RADIL: variants seen among roughly 807,000 people sequenced by gnomAD.
RADIL encodes Rap associating with DIL domain.
In RADIL, 99 loss-of-function variants were observed where a neutral mutation model predicts 97.6. That is an observed-to-expected ratio of 1.01 (90% CI 0.86 to 1.20). The LOEUF (loss-of-function observed/expected upper bound fraction) is 1.20. Ranked by LOEUF, RADIL falls within the 50% of genes most tolerant of loss-of-function variation. The pLI, the probability that RADIL is intolerant of heterozygous loss-of-function variation, is 0.00. For missense variants in RADIL, 1,765 were observed against 1,498.9 expected, an observed-to-expected ratio of 1.18 and a Z score of -2.93; for synonymous variants, 803 against 691.8, an observed-to-expected ratio of 1.16 and a Z score of -2.52.
intron 1 of RADIL, among the ~76,000 whole-genome samples, chr7:4,881,454 T>C (rs1382229837): frequency 7.8e-6 from 1 of 128,586 alleles, no homozygotes; most frequent in Admixed American, 8.3e-5. Context: ...TGGCTGGGCA[T>C]GGTGGTTCAT....
At chr7:4,832,834 C>A (rs1405227913) in intron 4 of RADIL, among the ~76,000 whole-genome samples, 1 of 151,374 alleles carries the variant, frequency 6.6e-6, no homozygotes, top group Admixed American at 6.6e-5. Flanking sequence ...TGCGCGTAGA[C>A]TAAGCGTGTA....
intron 2 of RADIL, chr7:4,859,840 T>G: frequency 9.0e-7 from 1 of 1,107,428 alleles, no homozygotes; most frequent in Non-Finnish European, 1.3e-6. Flanking sequence ...TCCTCTTCCG[T>G]TTTGGTTTTC....
At chr7:4,859,987 C>T (rs1783936950) in intron 2 of RADIL, 1 of 1,613,880 alleles carries the variant, frequency 6.2e-7, no homozygotes, top group African/African-American at 1.3e-5. Context: ...CGACCATGGC[C>T]TTTGGTGATG....
Position 4,842,244 on chromosome 7 carries a change from C to G in RADIL, c.536-5639G>C, listed in dbSNP as rs547241959. Among the ~76,000 whole-genome samples, 5 of 152,182 alleles carry G rather than the reference C, an allele frequency of 3.3e-5. No homozygotes were observed. The highest frequency in any genetic ancestry group is 1.2e-4 in the African/African-American group (5 of 41,554). On this transcript the variant is annotated intron_variant, in intron 2 of 14. Coordinates refer to ENST00000399583, the MANE Select transcript of RADIL (RefSeq NM_018059.5). This position sits in a 1 kb window ranked among gnomAD's most constrained non-coding sequence, Gnocchi z 4.5. ...GGGATGGGACGGTCGTTGTTGACAT[C>G]TTCTTCTACTCTCACAGCAGAGGCC...
rs2115000792 is a variant in RADIL at position 4,834,089 on chromosome 7, A to G, written c.1416+518T>C. ...GGCTGGCCTGGAGGAAAGTTCGTCA[A>G]CGCACAAAAGGTGACGGGCCCTGCA... is the stretch of plus-strand genomic sequence containing the variant. On this transcript the variant is annotated intron_variant, in intron 4 of 14. Coordinates refer to ENST00000399583, the MANE Select transcript of RADIL (RefSeq NM_018059.5). This position sits in a 1 kb window ranked among gnomAD's most constrained non-coding sequence, Gnocchi z 6.0. Among the ~76,000 whole-genome samples the G allele has an allele frequency of 6.6e-6, 1 of 152,278 alleles. No homozygotes were observed. Among genetic ancestry groups the G allele is most frequent in the Admixed American group, 6.5e-5 (1 of 15,300 alleles).
At chr7:4,862,164 G>A (rs541138205) in intron 2 of RADIL, among the ~76,000 whole-genome samples, 11 of 152,250 alleles carry the variant, frequency 7.2e-5, no homozygotes, top group Non-Finnish European at 1.5e-4. Flanking sequence ...CGTTGTTGAT[G>A]ACCGGCCAAA....
At chr7:4,876,196 C>T (rs1484410679) in intron 2 of RADIL, among the ~76,000 whole-genome samples, 1 of 151,968 alleles carries the variant, frequency 6.6e-6, no homozygotes, top group African/African-American at 2.4e-5. Flanking sequence ...ACTATGTTAC[C>T]CAGGCTGCTC....
chr7:4,805,894 T>C (rs1782290099), intron 9 of RADIL, 178 bp from the exon 10 acceptor site: 1 of 985,308 alleles, frequency 1.0e-6, no homozygotes, highest in African/African-American at 1.7e-5. Flanking sequence ...CCCCTGGCAC[T>C]TCCAAGGGCA....
At chr7:4,839,785 G>A (rs748245123) in intron 2 of RADIL, among the ~76,000 whole-genome samples, 2 of 152,028 alleles carry the variant, frequency 1.3e-5, no homozygotes, top group South Asian at 2.1e-4. Context: ...TCACTCTGTC[G>A]CCCAGGCTAG....
At position 4,879,146 on chromosome 7, in the gene RADIL, G is replaced by T. The variant is rs4724135; in HGVS notation, c.-64-943C>A. Reference sequence around the variant, plus strand: ...CCGGTGCAGGCATGGCCGGAATGCAGGCGTCCCGCCCACCACAGGCCGCGG... The same window carrying T: ...CCGGTGCAGGCATGGCCGGAATGCATGCGTCCCGCCCACCACAGGCCGCGG... On this transcript the variant is annotated intron_variant, in intron 1 of 14. Coordinates refer to ENST00000399583, the MANE Select transcript of RADIL (RefSeq NM_018059.5). The surrounding 1 kb of genome is among the most constrained non-coding windows in gnomAD (Gnocchi z 4.1). 0.48 allele frequency among the ~76,000 whole-genome samples: 72,288 copies of T among 152,174 alleles called. 20,071 individuals carry two copies. The highest frequency in any genetic ancestry group is 0.77 in the African/African-American group (32,070 of 41,534).
rs1042379338 is a variant in RADIL at position 4,821,119 on chromosome 7, C to T, written c.1615+1275G>A. Among the ~76,000 whole-genome samples the T allele has an allele frequency of 1.1e-4, 16 of 152,188 alleles. No homozygotes were observed. The highest frequency in any genetic ancestry group is 3.1e-4 in the African/African-American group (13 of 41,456). ...TGTGGGAGCTCCTGTCCCTGCACACCGGGCCTGCGCCTCCCTCGAAGCTCA... is the reference window on the plus strand; with the variant it reads ...TGTGGGAGCTCCTGTCCCTGCACACTGGGCCTGCGCCTCCCTCGAAGCTCA... On this transcript the variant is annotated intron_variant, in intron 6 of 14. Coordinates refer to ENST00000399583, the MANE Select transcript of RADIL (RefSeq NM_018059.5). This position sits in a 1 kb window ranked among gnomAD's most constrained non-coding sequence, Gnocchi z 5.2.
At chr7:4,871,965 G>A (rs140320679) in intron 2 of RADIL, among the ~76,000 whole-genome samples, 277 of 152,266 alleles carry the variant, frequency 1.8e-3, no homozygotes, top group Non-Finnish European at 3.2e-3. Flanking sequence ...CCAAAGCCAC[G>A]GTGATGTCCC....
intron 1 of RADIL, among the ~76,000 whole-genome samples, chr7:4,881,323 G>C (rs1339998732): frequency 6.6e-6 from 1 of 150,782 alleles, no homozygotes; most frequent in Admixed American, 6.6e-5. Context: ...GCTGAGGCAG[G>C]AGAATGGCGT....
Position 4,800,330 on chromosome 7 carries a change from G to C in RADIL, c.2843-20C>G. 1 of 1,430,408 alleles carries C rather than the reference G, an allele frequency of 7.0e-7. No homozygotes were observed. Among genetic ancestry groups the C allele is most frequent in the South Asian group, 1.5e-5 (1 of 66,434 alleles). 88.6% of individuals were successfully genotyped at this position (1,430,408 alleles called of 1,614,324 possible). A position where few individuals can be genotyped will look rare whatever the true frequency, so the allele number is the denominator to read the frequency against. On this transcript the variant is annotated intron_variant, in intron 12 of 14. Coordinates refer to ENST00000399583, the MANE Select transcript of RADIL (RefSeq NM_018059.5). The stretch of plus-strand genomic sequence containing the variant: ...AGTCTCCTGGGTGGGGGCCAGGAAA[G>C]GTGGGTGGGAGTGAGGCGCCAGGAA...
chr7:4,850,312 G>GA, intron 2 of RADIL, among the ~76,000 whole-genome samples: 1 of 146,906 alleles, frequency 6.8e-6, no homozygotes, highest in Non-Finnish European at 1.5e-5. Context: ...TATAAGCACA[G>GA]AAAAAGCATG....
rs1782830589 is a variant in RADIL, at chr7:4,821,514, C to T, written c.1615+880G>A. ...TCCTCTCGAAGCCCCCTAGACTGCC[C>T]CGATGGAATCCCTCTCCCTTAGTAT... On this transcript the variant is annotated intron_variant, in intron 6 of 14. Transcript: ENST00000399583. This position sits in a 1 kb window ranked among gnomAD's most constrained non-coding sequence, Gnocchi z 5.2. Among the ~76,000 whole-genome samples, 1 of 152,198 alleles carries T rather than the reference C, an allele frequency of 6.6e-6. No homozygotes were observed. The highest frequency in any genetic ancestry group is 1.5e-5 in the Non-Finnish European group (1 of 68,040).
At chr7:4,832,754 AAAAAAAAAAG>A (rs573399792) in intron 4 of RADIL, among the ~76,000 whole-genome samples, 3,082 of 151,668 alleles carry the variant, frequency 0.02, 111 homozygotes, top group African/African-American at 0.072. Flanking sequence ...AAAAAAAAAA[AAAAAAAAAAG>A]AATTATTCTT....
chr7:4,802,793 C>T (rs184557387), intron 11 of RADIL, among the ~76,000 whole-genome samples: 3,426 of 96,596 alleles, frequency 0.035, 281 homozygotes, highest in African/African-American at 0.079. Flanking sequence ...CCTCCCCAGA[C>T]ACCTCGGGTC....
rs1784443890 is a variant in RADIL, at chr7:4,879,604, C to T, written c.-64-1401G>A. Among the ~76,000 whole-genome samples, 1 of 152,192 alleles carries T rather than the reference C, an allele frequency of 6.6e-6. No individual in the cohort carries two copies. Among genetic ancestry groups the T allele is most frequent in the Non-Finnish European group, 1.5e-5 (1 of 68,044 alleles). ...TGCGACCGGGGTCAGTACTAAACACCGCAGCAGCCAACTGTCACTGTCCAG... is the reference window on the plus strand; with the variant it reads ...TGCGACCGGGGTCAGTACTAAACACTGCAGCAGCCAACTGTCACTGTCCAG... On this transcript the variant is annotated intron_variant, in intron 1 of 14. Transcript: ENST00000399583. This position sits in a 1 kb window ranked among gnomAD's most constrained non-coding sequence, Gnocchi z 4.1.
Sources: allele counts gnomAD v4.1 joint callset (sites outside exome capture counted in the v4.1 genomes callset), GRCh38; gene constraint gnomAD v4.1.1; non-coding constraint Gnocchi (gnomAD v3.1); transcripts MANE v1.5; gene names NCBI Gene and HGNC (gene_info 2026-07-23, HGNC 2026-07-21).